The following ZDHHC13 variants were observed in gnomAD, a reference collection of about 807,000 sequenced individuals.
The protein encoded by ZDHHC13 is palmitoyltransferase ZDHHC13.
A neutral mutation model predicts 86.0 loss-of-function variants in ZDHHC13; 85 were observed. The ratio of observed to expected loss-of-function variants is 0.99; its 90% CI spans 0.83 to 1.18. ZDHHC13 has a LOEUF of 1.18. ZDHHC13 is among the 50% of genes most tolerant of loss of function. The pLI is 0.00. For missense variants in ZDHHC13, 711 were observed against 730.2 expected (o/e 0.97, Z 0.30); for synonymous variants, 263 against 246.4 (o/e 1.07, Z -0.63).
chr11:19,171,153 A>T (rs933953217), intron 15 of ZDHHC13, among the ~76,000 whole-genome samples: 7 of 152,244 alleles, frequency 4.6e-5, no homozygotes, highest in African/African-American at 1.4e-4. Flanking sequence ...CATAGTAATT[A>T]CATTTTCAGA....
intron 1 of ZDHHC13, among the ~76,000 whole-genome samples, chr11:19,123,471 G>A (rs944311030): frequency 2.6e-5 from 4 of 151,846 alleles, no homozygotes; most frequent in African/African-American, 7.3e-5. Flanking sequence ...GCAACATAAC[G>A]AGACCTATCT....
intron 2 of ZDHHC13, among the ~76,000 whole-genome samples, chr11:19,145,883 T>C (rs145377060): frequency 4.9e-3 from 739 of 152,340 alleles, no homozygotes; most frequent in African/African-American, 0.017. Flanking sequence ...CAGGTGTTTC[T>C]GGCACATAGT....
In ZDHHC13 at chr11:19,163,184, G is replaced by T. The variant is rs942326676; in HGVS notation, c.1109-119G>T. 29 of 1,012,384 alleles carry T rather than the reference G, an allele frequency of 2.9e-5. 1 individual carries two copies. The highest frequency in any genetic ancestry group is 3.4e-5 in the Non-Finnish European group (25 of 734,622). The allele number at this position is 1,012,384 out of a possible 1,614,324, so 62.7% of individuals were successfully genotyped here. A position where few individuals can be genotyped will look rare whatever the true frequency, so the allele number is the denominator to read the frequency against. On this transcript the variant is annotated intron_variant, in intron 10 of 16. Transcript: ENST00000446113. Reference sequence around the variant, plus strand: ...ACATAGGATGGGAAGAGATTTAGGGGCAGGGACATGTGTGCATAAGGAAGG... The same window carrying T: ...ACATAGGATGGGAAGAGATTTAGGGTCAGGGACATGTGTGCATAAGGAAGG...
At chr11:19,167,829 TTTGAGA>T (rs1424316299) in intron 14 of ZDHHC13, 6 of 152,246 alleles carry the variant, frequency 3.9e-5, no homozygotes, top group Non-Finnish European at 7.3e-5. Flanking sequence ...TAATGTATTT[TTTGAGA>T]CAGGGTCTCA....
rs1849626763 is a variant in ZDHHC13 at position 19,152,182 on chromosome 11, A to C, written c.609A>C (p.Leu203Phe). ...VIGPEPTGFLLKFNPSLNVVD... is the reference protein window; with the variant it reads ...VIGPEPTGFLFKFNPSLNVVD... ...GGCCAGAACCAACTGGATTTCTTTT[A>C]AAGTTTAATCCTTCTCTCAATGTGG... The change falls in exon 7 of 17, where the codon TTA (leucine) becomes TTC (phenylalanine). Residue 203 changes from leucine to phenylalanine, a missense_variant. Coordinates refer to ENST00000446113, the MANE Select transcript of ZDHHC13 (RefSeq NM_019028.3). The C allele has an allele frequency of 6.2e-7, 1 of 1,613,098 alleles. No homozygotes were observed. Among genetic ancestry groups the C allele is most frequent in the South Asian group, 1.1e-5 (1 of 90,984 alleles).
intron 1 of ZDHHC13, 35 bp from the exon 2 acceptor site, chr11:19,142,943 C>T: frequency 6.4e-7 from 1 of 1,558,964 alleles, no homozygotes. Flanking sequence ...GACATTAATT[C>T]TCTCATGCTT....
In ZDHHC13 at chr11:19,122,614, C is replaced by G. The variant is rs989072314; in HGVS notation, c.27+5338C>G. 3.3e-5 allele frequency among the ~76,000 whole-genome samples: 5 copies of G among 152,062 alleles called. No homozygotes were observed. The South Asian group carries it at 1.0e-3, about 31-fold the overall frequency. On this transcript the variant is annotated intron_variant, in intron 1 of 16. Transcript: ENST00000446113. Reference sequence around the variant, plus strand: ...CTCTGCCCTTAGGTTACCTTGTAAACAGAGTATAAGGAGTGACCTGCTTGG... The same window carrying G: ...CTCTGCCCTTAGGTTACCTTGTAAAGAGAGTATAAGGAGTGACCTGCTTGG...
At chr11:19,138,399 G>T (rs1177146963) in intron 1 of ZDHHC13, among the ~76,000 whole-genome samples, 10 of 150,324 alleles carry the variant, frequency 6.7e-5, no homozygotes, top group South Asian at 2.1e-4. Context: ...AATAACAGGA[G>T]CTGAAATTGT....
intron 14 of ZDHHC13, chr11:19,168,671 G>A: frequency 1.1e-5 from 3 of 284,834 alleles, no homozygotes; most frequent in Non-Finnish European, 1.6e-5. Context: ...ACATGAACTT[G>A]TGCTCCATTT....
intron 1 of ZDHHC13, among the ~76,000 whole-genome samples, chr11:19,137,942 G>T (rs1264312622): frequency 6.6e-6 from 1 of 150,500 alleles, no homozygotes. Context: ...AGCACTAAAT[G>T]CCCACAAGAG....
chr11:19,129,297 A>C (rs1178044345), intron 1 of ZDHHC13, among the ~76,000 whole-genome samples: 1 of 152,130 alleles, frequency 6.6e-6, no homozygotes, highest in Non-Finnish European at 1.5e-5. Context: ...TGTTAATTAG[A>C]AGTGGTGATA....
chr11:19,163,160 C>A, intron 10 of ZDHHC13, 143 bp from the exon 11 acceptor site: 1 of 754,864 alleles, frequency 1.3e-6, no homozygotes, highest in Non-Finnish European at 1.9e-6. Context: ...AGGATTAGAA[C>A]ATAGGATGGG....
chr11:19,158,903 T>A, intron 9 of ZDHHC13, 37 bp from the exon 10 acceptor site: 1 of 1,354,530 alleles, frequency 7.4e-7, no homozygotes, highest in Non-Finnish European at 1.0e-6. Flanking sequence ...TTAATACAAG[T>A]CATACTAATA....
chr11:19,147,777 C>CCG lies in ZDHHC13; in HGVS notation c.374+105_374+106insGC, dbSNP rs879358263. The stretch of plus-strand genomic sequence containing the variant: ...TTTGAAAGGCTGTCTTTTCTTCCCC[C>CCG]CCCCCCTTTATTTAAAAATAAATTT... On this transcript the variant is annotated intron_variant, in intron 4 of 16. Transcript: ENST00000446113. 2.3e-4 allele frequency: 178 copies of CCG among 767,872 alleles called. 4 individuals are homozygous for CCG. Among genetic ancestry groups the CCG allele is most frequent in the Non-Finnish European group, 3.1e-4 (168 of 534,090 alleles). 47.6% of individuals were successfully genotyped at this position (767,872 alleles called of 1,614,324 possible).
In ZDHHC13 at chr11:19,152,750, T is replaced by C. The variant is rs116727778; in HGVS notation, c.873+66T>C. ...TTTTTGTTCATTTGGTTTTGTTTAT[T>C]AAGGCATCAGAGGAAACCAGAGAGT... On this transcript the variant is annotated intron_variant, in intron 8 of 16. Transcript: ENST00000446113. 2,064 of 1,604,898 alleles carry C rather than the reference T, an allele frequency of 1.3e-3. 20 individuals are homozygous for C. In the African/African-American group the frequency reaches 0.025, roughly 20 times the overall value.
Position 19,152,753 on chromosome 11 carries a change from G to A in ZDHHC13, c.873+69G>A. ...TTGTTCATTTGGTTTTGTTTATTAA[G>A]GCATCAGAGGAAACCAGAGAGTTGG... On this transcript the variant is annotated intron_variant, in intron 8 of 16. Coordinates refer to ENST00000446113, the MANE Select transcript of ZDHHC13 (RefSeq NM_019028.3). The A allele has an allele frequency of 8.1e-6, 13 of 1,601,858 alleles. No individual in the cohort carries two copies. In the South Asian group the frequency reaches 1.1e-4, roughly 14 times the overall value.
chr11:19,149,106 A>G, intron 4 of ZDHHC13, 81 bp from the exon 5 acceptor site: 4 of 1,240,400 alleles, frequency 3.2e-6, no homozygotes, highest in Non-Finnish European at 4.1e-6. Flanking sequence ...AAAATCCCTC[A>G]TGTCTTAGGA....
intron 5 of ZDHHC13, among the ~76,000 whole-genome samples, chr11:19,150,433 A>G (rs1456636419): frequency 1.3e-5 from 2 of 152,124 alleles, no homozygotes; most frequent in African/African-American, 2.4e-5. Flanking sequence ...GGTCTCTACC[A>G]TCTCTTGTAT....
At position 19,130,188 on chromosome 11, in the gene ZDHHC13, G is replaced by T. The variant is rs147809826; in HGVS notation, c.28-12790G>T. 6.9e-3 allele frequency among the ~76,000 whole-genome samples: 1,044 copies of T among 152,244 alleles called. 9 individuals are homozygous for T. The highest frequency in any genetic ancestry group is 0.024 in the African/African-American group (985 of 41,544). On this transcript the variant is annotated intron_variant, in intron 1 of 16. Transcript: ENST00000446113. ...GATAGGGTTAACTAATTAAGTTATAGGGGTCTGAAATTTTTTATGAGAAAG... is the reference window on the plus strand; with the variant it reads ...GATAGGGTTAACTAATTAAGTTATATGGGTCTGAAATTTTTTATGAGAAAG...
Sources: gnomAD v4.1 joint callset for allele counts (sites outside exome capture counted in the v4.1 genomes callset) on GRCh38, gnomAD v4.1.1 for gene constraint, MANE v1.5 for transcripts, NCBI Gene and HGNC (gene_info 2026-07-23, HGNC 2026-07-21) for gene names.